PRRC2B: variants seen among roughly 807,000 people sequenced by gnomAD.
PRRC2B encodes protein PRRC2B.
Under a neutral mutation model 242.3 loss-of-function variants are expected in PRRC2B, and 68 were observed. The ratio of observed to expected loss-of-function variants is 0.28; its 90% CI spans 0.23 to 0.34. PRRC2B has a LOEUF of 0.34. Among genes scored for constraint, PRRC2B ranks in the 10% least tolerant of loss-of-function variants. The pLI, the probability that PRRC2B is intolerant of heterozygous loss-of-function variation, is 1.00. For synonymous variants in PRRC2B, 1,228 were observed against 1,173.6 expected, an observed-to-expected ratio of 1.05 and a Z score of -0.95; for missense variants, 2,835 against 2,954.8, an observed-to-expected ratio of 0.96 and a Z score of 0.94.
chr9:131,437,835 A>G (rs1838424752), intron 4 of PRRC2B, among the ~76,000 whole-genome samples: 1 of 152,218 alleles, frequency 6.6e-6, no homozygotes, highest in South Asian at 2.1e-4. Context: ...CCAGAATTTG[A>G]AAGAAAAGGA....
At chr9:131,479,907 TGCCCTGAAA>T (rs1943809917) in intron 19 of PRRC2B, among the ~76,000 whole-genome samples, 1 of 152,198 alleles carries the variant, frequency 6.6e-6, no homozygotes, top group Non-Finnish European at 1.5e-5. Flanking sequence ...GAACATTTGT[TGCCCTGAAA>T]ACTTTTTTTT....
At chr9:131,380,739 A>T (rs1426833943) in intron 1 of PRRC2B, among the ~76,000 whole-genome samples, 1 of 149,058 alleles carries the variant, frequency 6.7e-6, no homozygotes, top group Admixed American at 6.7e-5. Flanking sequence ...TTAGCTGGGC[A>T]TGGTAGCAGG....
chr9:131,416,818 A>G (rs1181997422), intron 1 of PRRC2B, among the ~76,000 whole-genome samples: 1 of 152,208 alleles, frequency 6.6e-6, no homozygotes, highest in African/African-American at 2.4e-5. Context: ...GGTTTGGGCT[A>G]TAACATGCTT....
intron 30 of PRRC2B, 48 bp downstream of exon 30, chr9:131,492,308 C>T (rs1363405112): frequency 4.0e-6 from 6 of 1,484,120 alleles, no homozygotes; most frequent in African/African-American, 1.4e-5. Flanking sequence ...GAGCAGTTGC[C>T]AGAGCTGCGG....
At chr9:131,377,357 C>T (rs542671943) in intron 1 of PRRC2B, among the ~76,000 whole-genome samples, 3 of 152,324 alleles carry the variant, frequency 2.0e-5, no homozygotes, top group South Asian at 4.1e-4. Context: ...TCGTGATCCG[C>T]GCGCCTCAGC....
chr9:131,390,914 G>C (rs1836893227), upstream of PRRC2B, among the ~76,000 whole-genome samples: 1 of 150,716 alleles, frequency 6.6e-6, no homozygotes, highest in Admixed American at 6.7e-5. Context: ...AGCTTCTTGA[G>C]TAGCTGGGAT....
At position 131,450,313 on chromosome 9, in the gene PRRC2B, G is replaced by C. The variant is rs1415225499; in HGVS notation, c.1120+2509G>C. 2.0e-5 allele frequency among the ~76,000 whole-genome samples: 3 copies of C among 151,540 alleles called. No homozygotes were observed. In the East Asian group the frequency reaches 5.8e-4, roughly 29 times the overall value. On this transcript the variant is annotated intron_variant, in intron 9 of 31. Transcript: ENST00000683519. ...GACAGAGTCTTGCTCTATTGCCCAG[G>C]CTGGAGTTCAGTGGCATGATCTCGA...
rs1168206365 is a variant in PRRC2B at position 131,388,258 on chromosome 9, T to A, written c.-56+14527T>A. 2.8e-5 allele frequency among the ~76,000 whole-genome samples: 4 copies of A among 145,406 alleles called. No individual in the cohort carries two copies. The East Asian group carries it at 8.1e-4, about 29-fold the overall frequency. The stretch of plus-strand genomic sequence containing the variant: ...CTTTTACTTTTTTTTTTTTTTTTTT[T>A]AGATGGAGATTCCCTCTTGTTGCCC... On this transcript the variant is annotated intron_variant, in intron 1 of 1. Coordinates refer to the PRRC2B transcript ENST00000682525.
chr9:131,498,214 A>C lies in PRRC2B; in HGVS notation c.*2340A>C, dbSNP rs1283017126. On this transcript the variant is annotated 3_prime_UTR_variant, in exon 32 of 32. Transcript: ENST00000683519. ...CTTCCTTTCTCCTCCCCCACCCCAA[A>C]TAAAAAAACAAAAAACACTAGAATT... 6.6e-6 allele frequency: 1 copy of C among 152,202 alleles called. No individual in the cohort carries two copies. Among genetic ancestry groups the C allele is most frequent in the Non-Finnish European group, 1.5e-5 (1 of 68,040 alleles). The allele number at this position is 152,202 out of a possible 1,614,324, so 9.4% of individuals were successfully genotyped here. A position where few individuals can be genotyped will look rare whatever the true frequency, so the allele number is the denominator to read the frequency against.
chr9:131,422,989 G>A (rs1173788735), intron 1 of PRRC2B, among the ~76,000 whole-genome samples: 1 of 152,204 alleles, frequency 6.6e-6, no homozygotes, highest in Non-Finnish European at 1.5e-5. Flanking sequence ...TCTCTGAGTG[G>A]CTTCTGTGGG....
rs1390337561 is a variant in PRRC2B at position 131,475,133 on chromosome 9, A to G, written c.3004A>G (p.Thr1002Ala). 1.9e-6 allele frequency: 3 copies of G among 1,612,662 alleles called. No individual in the cohort carries two copies. Among genetic ancestry groups the G allele is most frequent in the Non-Finnish European group, 2.5e-6 (3 of 1,179,384 alleles). ...CTCTCTGGCCAACTCCTCCACCACC[A>G]CTTTGGAGGACAAAGGCCCTGGCCA... ...DASLANSSTT[T>A]LEDKGPGHAT... The change falls in exon 16 of 32, where the codon ACT becomes GCT. Residue 1002 changes from threonine (T) to alanine (A), a missense_variant. Around this residue, in one of 7 missense-constraint regions of PRRC2B, gnomAD observed 1,536 missense variants for 1,483.1 expected, o/e 1.04. Transcript: ENST00000683519.
intron 1 of PRRC2B, among the ~76,000 whole-genome samples, chr9:131,395,157 G>C (rs1310677390): frequency 6.6e-6 from 1 of 151,996 alleles, no homozygotes; most frequent in Non-Finnish European, 1.5e-5. Flanking sequence ...TTTCAGTGGT[G>C]AGCTTGAAGG....
At chr9:131,477,315 G>A (rs982329102) in intron 16 of PRRC2B, among the ~76,000 whole-genome samples, 11 of 152,194 alleles carry the variant, frequency 7.2e-5, no homozygotes, top group South Asian at 2.1e-4. Context: ...AGGGAACACC[G>A]ACTCTTTCAG....
intron 19 of PRRC2B, 52 bp from the exon 20 acceptor site, chr9:131,481,674 C>T (rs1564299291): frequency 1.3e-5 from 19 of 1,411,186 alleles, no homozygotes; most frequent in Non-Finnish European, 1.9e-5. Context: ...CTCATAAACT[C>T]TCTAGACGGG....
intron 11 of PRRC2B, among the ~76,000 whole-genome samples, chr9:131,464,166 T>A (rs1943325315): frequency 6.6e-6 from 1 of 152,166 alleles, no homozygotes; most frequent in Non-Finnish European, 1.5e-5. Context: ...GGTCTCGAAC[T>A]CCTGACCTCA....
chr9:131,474,446 C>G lies in PRRC2B; in HGVS notation c.2325-8C>G. ...TCGCATTGACTGATTTTTCTGGTTC[C>G]TTTTCAGGAATGAAAGCTCTTTCTC... is the stretch of plus-strand genomic sequence containing the variant. On this transcript the variant is annotated splice_polypyrimidine_tract_variant and splice_region_variant and intron_variant, in intron 15 of 31. Coordinates refer to ENST00000683519, the MANE Select transcript of PRRC2B (RefSeq NM_013318.4). The G allele has an allele frequency of 2.5e-6, 4 of 1,595,882 alleles. No individual in the cohort carries two copies. Among genetic ancestry groups the G allele is most frequent in the Non-Finnish European group, 3.4e-6 (4 of 1,169,348 alleles).
chr9:131,468,218 G>C lies in PRRC2B; in HGVS notation c.1911+465G>C, dbSNP rs1943448658. Among the ~76,000 whole-genome samples the C allele has an allele frequency of 3.3e-5, 5 of 152,148 alleles. No individual in the cohort carries two copies. The South Asian group carries it at 8.3e-4, about 25-fold the overall frequency. ...TGCCCAAGAGAGGCACGTCACCTTTGGGTTACAGATGTAGGTTTGCAGGTT... is the reference window on the plus strand; with the variant it reads ...TGCCCAAGAGAGGCACGTCACCTTTCGGTTACAGATGTAGGTTTGCAGGTT... On this transcript the variant is annotated intron_variant, in intron 13 of 31. Coordinates refer to ENST00000683519, the MANE Select transcript of PRRC2B (RefSeq NM_013318.4).
Position 131,446,065 on chromosome 9 carries a change from A to G in PRRC2B, c.614-336A>G, listed in dbSNP as rs1838790567. Among the ~76,000 whole-genome samples the G allele has an allele frequency of 6.6e-6, 1 of 152,196 alleles. No homozygotes were observed. The highest frequency in any genetic ancestry group is 2.1e-4 in the South Asian group (1 of 4,834). ...GGGCTGGTCAGTGTTTGTTGAAGGAATGACCCAAGGCTGGTTTCATCAGGG... is the reference window on the plus strand; with the variant it reads ...GGGCTGGTCAGTGTTTGTTGAAGGAGTGACCCAAGGCTGGTTTCATCAGGG... On this transcript the variant is annotated intron_variant, in intron 6 of 31. Transcript: ENST00000683519. The surrounding 1 kb of genome is among the most constrained non-coding windows in gnomAD (Gnocchi z 4.1).
rs571747503 is a variant in PRRC2B at position 131,471,759 on chromosome 9, G to GT, written c.2107+780dup. Among the ~76,000 whole-genome samples the GT allele has an allele frequency of 1.1e-3, 162 of 152,282 alleles. 6 individuals are homozygous for GT. The South Asian group carries it at 0.032, about 30-fold the overall frequency. ...ACTTAGGTTGCTTGACATTTGTTGG[G>GT]TTTTCTCTGTAGCCTCTTCCATGGC... On this transcript the variant is annotated intron_variant, in intron 14 of 31. Transcript: ENST00000683519.
Sources: allele counts gnomAD v4.1 joint callset (sites outside exome capture counted in the v4.1 genomes callset), GRCh38; gene constraint gnomAD v4.1.1; regional missense constraint gnomAD v4.1.1; non-coding constraint Gnocchi (gnomAD v3.1); transcripts MANE v1.5; gene names NCBI Gene and HGNC (gene_info 2026-07-23, HGNC 2026-07-21).